Variants in TRIM9 observed in about 807,000 individuals in gnomAD.
The protein encoded by TRIM9 is E3 ubiquitin-protein ligase TRIM9.
TRIM9 carries 26 observed loss-of-function variants against 78.3 expected under a neutral mutation model. The ratio of observed to expected loss-of-function variants is 0.33; its 90% CI spans 0.24 to 0.46. TRIM9 has a LOEUF of 0.46. TRIM9 is among the 20% of genes least tolerant of loss of function. TRIM9 has a pLI of 1.00. For missense variants in TRIM9, 787 were observed against 1,036.4 expected, an observed-to-expected ratio of 0.76 and a Z score of 3.30; for synonymous variants, 398 against 416.5, an observed-to-expected ratio of 0.96 and a Z score of 0.54.
At chr14:51,027,143 T>A (rs1439397270) in intron 1 of TRIM9, among the ~76,000 whole-genome samples, 3 of 128,518 alleles carry the variant, frequency 2.3e-5, no homozygotes, top group African/African-American at 7.0e-5. Context: ...TTTTTTTTTT[T>A]TTTTTTTTTT....
intron 2 of TRIM9, 58 bp downstream of exon 2, chr14:51,025,207 C>G (rs569441211): frequency 6.9e-7 from 1 of 1,442,868 alleles, no homozygotes; most frequent in Admixed American, 1.9e-5. Flanking sequence ...GAAACTCTCC[C>G]GCCACACAGT....
intron 1 of TRIM9, among the ~76,000 whole-genome samples, chr14:51,050,002 T>A (rs1201714772): frequency 6.6e-6 from 1 of 151,956 alleles, no homozygotes; most frequent in Non-Finnish European, 1.5e-5. Context: ...CACATAGGGA[T>A]TTGTAGGCAA....
In TRIM9 at chr14:50,977,207, C is replaced by G; in HGVS notation, c.*84G>C. 8.3e-7 allele frequency: 1 copy of G among 1,208,722 alleles called. No individual in the cohort carries two copies. The highest frequency in any genetic ancestry group is 2.9e-5 in the Admixed American group (1 of 34,594). The allele number at this position is 1,208,722 out of a possible 1,614,324, so 74.9% of individuals were successfully genotyped here. A position where few individuals can be genotyped will look rare whatever the true frequency, so the allele number is the denominator to read the frequency against. ...TTCTCCCACTCCTGCCAACTCTGCA[C>G]CCCACCACGGCTGGCTGAGCTCCTT... On this transcript the variant is annotated 3_prime_UTR_variant, in exon 13 of 13. Coordinates refer to ENST00000684578, the MANE Select transcript of TRIM9 (RefSeq NM_001387360.1).
intron 1 of TRIM9, among the ~76,000 whole-genome samples, chr14:51,076,610 G>C (rs1184620811): frequency 6.6e-6 from 1 of 152,218 alleles, no homozygotes; most frequent in Non-Finnish European, 1.5e-5. Context: ...GATCTAGTCA[G>C]AAATTACTAG....
In TRIM9 at chr14:51,094,314, A is replaced by G; in HGVS notation, c.626T>C (p.Leu209Pro). The stretch of plus-strand genomic sequence containing the variant: ...CACACGACCCTGGGCCGGGGGCACC[A>G]GGCGGTGCTTGGCTAGGGGCCCCCG... Reference protein sequence around the residue: ...PPRGPLAKHRLVPPAQGRVSR... With the variant: ...PPRGPLAKHRPVPPAQGRVSR... The change falls in exon 1 of 13, where the codon CTG becomes CCG. Residue 209 changes from leucine (L) to proline (P), a missense_variant. Coordinates refer to ENST00000684578, the MANE Select transcript of TRIM9 (RefSeq NM_001387360.1). 1 of 1,613,674 alleles carries G rather than the reference A, an allele frequency of 6.2e-7. No homozygotes were observed. The highest frequency in any genetic ancestry group is 8.5e-7 in the Non-Finnish European group (1 of 1,179,834).
chr14:51,005,919 G>C (rs1018946143), intron 5 of TRIM9, among the ~76,000 whole-genome samples: 5 of 152,188 alleles, frequency 3.3e-5, no homozygotes, highest in Admixed American at 2.6e-4. Flanking sequence ...GCTAATAAGA[G>C]AGTAAAACTT....
intron 1 of TRIM9, among the ~76,000 whole-genome samples, chr14:51,031,260 C>G (rs1444424610): frequency 1.3e-5 from 2 of 151,998 alleles, no homozygotes; most frequent in Non-Finnish European, 2.9e-5. Flanking sequence ...AGGCCTCAAC[C>G]TTGACCTATA....
intron 10 of TRIM9, chr14:50,982,551 C>G (rs538700869): frequency 3.3e-6 from 1 of 307,452 alleles, no homozygotes; most frequent in Non-Finnish European, 6.1e-6. Flanking sequence ...AATATCCCTT[C>G]GGCAGAAGTG....
intron 1 of TRIM9, among the ~76,000 whole-genome samples, chr14:51,030,802 A>T (rs571974762): frequency 6.6e-6 from 1 of 152,184 alleles, no homozygotes; most frequent in African/African-American, 2.4e-5. Flanking sequence ...GAGGAATCTT[A>T]TGGGTAGGGA....
In TRIM9 at chr14:50,985,099, A is replaced by G. The variant is rs75903501; in HGVS notation, c.1792+857T>C. ...CATCATGTGTATCCATGATTACAAT[A>G]TAGTCCTGAAGAGATCAAATAGGTC... On this transcript the variant is annotated intron_variant, in intron 8 of 12. Transcript: ENST00000684578. Among the ~76,000 whole-genome samples the G allele has an allele frequency of 1.6e-3, 246 of 152,354 alleles. 3 individuals carry two copies. Among genetic ancestry groups the G allele is most frequent in the Non-Finnish European group, 1.7e-3 (116 of 68,026 alleles).
At chr14:50,995,850 T>C (rs2054147481) in intron 7 of TRIM9, among the ~76,000 whole-genome samples, 1 of 152,194 alleles carries the variant, frequency 6.6e-6, no homozygotes, top group South Asian at 2.1e-4. Flanking sequence ...GCAGTGAATG[T>C]ACCAAAACTC....
intron 12 of TRIM9, among the ~76,000 whole-genome samples, chr14:50,977,948 A>G (rs1454498315): frequency 1.3e-5 from 2 of 151,740 alleles, no homozygotes; most frequent in Non-Finnish European, 2.9e-5. Context: ...TTATCAATAG[A>G]TAATCAGAAG....
At chr14:51,062,857 A>G (rs531826974) in intron 1 of TRIM9, among the ~76,000 whole-genome samples, 13 of 152,358 alleles carry the variant, frequency 8.5e-5, no homozygotes. Context: ...AGTGAAGAGG[A>G]GTTAGAGCTT....
chr14:50,999,768 TC>T (rs2054703884), intron 6 of TRIM9, among the ~76,000 whole-genome samples: 1 of 152,056 alleles, frequency 6.6e-6, no homozygotes, highest in African/African-American at 2.4e-5. Context: ...CTTAGGAAGC[TC>T]CAAGCATCAG....
At chr14:51,063,625 A>C (rs895207564) in intron 1 of TRIM9, among the ~76,000 whole-genome samples, 1 of 152,128 alleles carries the variant, frequency 6.6e-6, no homozygotes, top group African/African-American at 2.4e-5. Flanking sequence ...GGGGAGTGAC[A>C]CTATAAGTAA....
Position 50,986,084 on chromosome 14 carries a change from C to T in TRIM9, c.1664G>A (p.Arg555His), listed in dbSNP as rs556942622. 2.6e-6 allele frequency: 4 copies of T among 1,548,166 alleles called. No individual in the cohort carries two copies. In the African/African-American group the frequency reaches 4.1e-5, roughly 16 times the overall value. Residue 555 changes from arginine to histidine, a missense_variant, in exon 8 of 13, where the codon CGT becomes CAT. Arg to His is a conservative substitution (Grantham distance 29). Around this residue, in one of 3 missense-constraint regions of TRIM9, gnomAD observed 421 missense variants for 514.3 expected, o/e 0.82. Transcript: ENST00000684578. ...FPVPSERLPLRRMSPFSSTLN... is the reference protein window; with the variant it reads ...FPVPSERLPLHRMSPFSSTLN... ...GGTGGAGGAGAAAGGACTCATTCTA[C>T]GGAGCGGCAATCTTTCCGAAGGCAC...
chr14:51,000,833 A>G lies in TRIM9; in HGVS notation c.1314T>C (p.Ser438=). ...GTAGGATAGGGGTTGCTGGGACTGG[A>G]GAGGAAGCTAAACAGAAATTAGTGT... is the stretch of plus-strand genomic sequence containing the variant. The part of the protein sequence containing the change: ...QLDFVQVKAS[S]PVPATPILQL... The change falls in exon 6 of 13, where the codon TCT becomes TCC. Residue 438 remains serine (S), a synonymous_variant. Transcript: ENST00000684578. The G allele has an allele frequency of 1.2e-6, 2 of 1,614,032 alleles. No individual in the cohort carries two copies. Among genetic ancestry groups the G allele is most frequent in the Non-Finnish European group, 1.7e-6 (2 of 1,179,946 alleles).
chr14:51,070,881 T>C (rs1323554754), intron 1 of TRIM9, among the ~76,000 whole-genome samples: 1 of 152,228 alleles, frequency 6.6e-6, no homozygotes, highest in African/African-American at 2.4e-5. Context: ...TTGACTCACA[T>C]TCCTAGACGT....
intron 1 of TRIM9, among the ~76,000 whole-genome samples, chr14:51,036,070 C>A (rs1041821871): frequency 6.6e-6 from 1 of 152,170 alleles, no homozygotes; most frequent in Non-Finnish European, 1.5e-5. Flanking sequence ...ATCAATTTTC[C>A]CCCAAGAAAC....
Sources: gnomAD v4.1 joint callset for allele counts (sites outside exome capture counted in the v4.1 genomes callset) on GRCh38, gnomAD v4.1.1 for gene constraint, gnomAD v4.1.1 regional missense constraint, MANE v1.5 for transcripts, NCBI Gene and HGNC (gene_info 2026-07-23, HGNC 2026-07-21) for gene names.